RBM23: variants seen among roughly 807,000 people sequenced by gnomAD.
The protein encoded by RBM23 is RNA binding motif protein 23, also known as probable RNA-binding protein 23.
In RBM23, 53 loss-of-function variants were observed where a neutral mutation model predicts 56.2. The observed-to-expected ratio is 0.94, with a 90% confidence interval of 0.76 to 1.19. RBM23 has a LOEUF of 1.19. Among genes scored for constraint, RBM23 ranks in the 50% most tolerant of loss-of-function variants. The pLI, the probability that RBM23 is intolerant of heterozygous loss-of-function variation, is 0.00. For synonymous variants in RBM23, 197 were observed against 198.5 expected (o/e 0.99, Z 0.06); for missense variants, 642 against 590.3 (o/e 1.09, Z -0.91).
chr14:22,909,466 C>T lies in RBM23; in HGVS notation c.179+17G>A, dbSNP rs577923864. On this transcript the variant is annotated intron_variant, in intron 3 of 13. Coordinates refer to ENST00000359890, the MANE Select transcript of RBM23 (RefSeq NM_001077351.2). ...CCTTCCCCAAGTTGCCAACCCATTT[C>T]TTCCTCCCACACTCACTTGCTTGTC... The T allele has an allele frequency of 1.2e-6, 2 of 1,606,472 alleles. No individual in the cohort carries two copies. The highest frequency in any genetic ancestry group is 4.5e-5 in the East Asian group (2 of 44,848).
At position 22,911,381 on chromosome 14, in the gene RBM23, C is replaced by A; in HGVS notation, c.13G>T (p.Asp5Tyr). ...ATGGCCTCAATCACTATGTCAAAGT[C>A]ATCAGATGCCATCCTGTCAGATCTG... MASD[D>Y]FDIVIEAMLE... is the part of the protein sequence containing the mutation. The change falls in exon 2 of 14, where the codon GAC becomes TAC. Residue 5 changes from aspartate (D) to tyrosine (Y), a missense_variant. Transcript: ENST00000359890. 6.2e-7 allele frequency: 1 copy of A among 1,613,464 alleles called. No individual in the cohort carries two copies. The highest frequency in any genetic ancestry group is 1.1e-5 in the South Asian group (1 of 91,026).
rs1417369302 is a variant in RBM23, at chr14:22,899,714, T to C, written c.*2016A>G. The C allele has an allele frequency of 6.6e-6, 1 of 152,218 alleles. No homozygotes were observed. Among genetic ancestry groups the C allele is most frequent in the Non-Finnish European group, 1.5e-5 (1 of 68,046 alleles). The allele number at this position is 152,218 out of a possible 1,614,324, so 9.4% of individuals were successfully genotyped here. A position where few individuals can be genotyped will look rare whatever the true frequency, so the allele number is the denominator to read the frequency against. On this transcript the variant is annotated 3_prime_UTR_variant, in exon 14 of 14. Transcript: ENST00000359890. ...TTTACAAATTAGTCTGTGCTATTGT[T>C]ACAGAAGCAGCAAACAGACTTAGGA...
chr14:22,910,450 C>CAAAAAAAA (rs546748436), intron 2 of RBM23, among the ~76,000 whole-genome samples: 12 of 71,146 alleles, frequency 1.7e-4, no homozygotes, highest in Non-Finnish European at 2.4e-4. Flanking sequence ...AACTTCATCT[C>CAAAAAAAA]AAAAAAAAAA....
intron 5 of RBM23, 153 bp from the exon 6 acceptor site, chr14:22,905,812 C>T: frequency 1.5e-6 from 1 of 646,334 alleles, no homozygotes; most frequent in Non-Finnish European, 2.7e-6. Flanking sequence ...GCAGTGGCGC[C>T]ATCTCGGGTC....
intron 4 of RBM23, among the ~76,000 whole-genome samples, chr14:22,907,587 T>C: frequency 6.6e-6 from 1 of 152,342 alleles, no homozygotes; most frequent in East Asian, 1.9e-4. Context: ...CAATTAAAAA[T>C]TGTTTAAAAA....
At chr14:22,907,483 T>C (rs1399650605) in intron 4 of RBM23, among the ~76,000 whole-genome samples, 1 of 152,166 alleles carries the variant, frequency 6.6e-6, no homozygotes, top group Non-Finnish European at 1.5e-5. Context: ...AAGATAAACA[T>C]TTAGGTCAAG....
In RBM23 at chr14:22,901,036, C is replaced by CT. The variant is rs1162827298; in HGVS notation, c.*693dup. ...AAGATACTGGAAAGGCATACTCCAC[C>CT]TTTTACTAAATTCCTGAAAGCCCCT... On this transcript the variant is annotated 3_prime_UTR_variant, in exon 14 of 14. Transcript: ENST00000359890. The CT allele has an allele frequency of 1.3e-5, 2 of 152,208 alleles. No homozygotes were observed. The highest frequency in any genetic ancestry group is 4.8e-5 in the African/African-American group (2 of 41,412). The allele number at this position is 152,208 out of a possible 1,614,324, so 9.4% of individuals were successfully genotyped here.
In RBM23 at chr14:22,898,698, G is replaced by A. The variant is rs902941612; in HGVS notation, c.*3032C>T. The A allele has an allele frequency of 2.0e-5, 3 of 151,904 alleles. No individual in the cohort carries two copies. The highest frequency in any genetic ancestry group is 2.9e-5 in the Non-Finnish European group (2 of 68,038). 9.4% of individuals were successfully genotyped at this position (151,904 alleles called of 1,614,324 possible). On this transcript the variant is annotated 3_prime_UTR_variant, in exon 14 of 14. Coordinates refer to ENST00000359890, the MANE Select transcript of RBM23 (RefSeq NM_001077351.2). Reference sequence around the variant, plus strand: ...AGAACAAGAAAGAACTGAGGTGGAAGGATCCGAGTGTAGGAAGGCCAAGGT... The same window carrying A: ...AGAACAAGAAAGAACTGAGGTGGAAAGATCCGAGTGTAGGAAGGCCAAGGT...
chr14:22,902,980 C>T, intron 10 of RBM23: 1 of 735,822 alleles, frequency 1.4e-6, no homozygotes, highest in Non-Finnish European at 1.7e-6. Flanking sequence ...TGGGGTTTCA[C>T]CACGTTGGTC....
chr14:22,906,067 T>A (rs2041491546), intron 5 of RBM23, 128 bp downstream of exon 5: 1 of 1,166,898 alleles, frequency 8.6e-7, no homozygotes, highest in Non-Finnish European at 1.2e-6. Context: ...ATACCAACCC[T>A]TTCTGTGCCT....
At position 22,901,517 on chromosome 14, in the gene RBM23, A is replaced by G; in HGVS notation, c.*213T>C. ...TGCAGGTGTGGATTCTGTTCTCTTC[A>G]ACTGGTGGCTTTGCTCAGCAGAGTC... On this transcript the variant is annotated 3_prime_UTR_variant, in exon 14 of 14. Coordinates refer to ENST00000359890, the MANE Select transcript of RBM23 (RefSeq NM_001077351.2). The G allele has an allele frequency of 1.5e-6, 1 of 650,176 alleles. No individual in the cohort carries two copies. The highest frequency in any genetic ancestry group is 2.0e-5 in the South Asian group (1 of 50,562). The allele number at this position is 650,176 out of a possible 1,614,324, so 40.3% of individuals were successfully genotyped here. A position where few individuals can be genotyped will look rare whatever the true frequency, so the allele number is the denominator to read the frequency against.
At chr14:22,911,205 A>G in intron 2 of RBM23, 123 bp downstream of exon 2, 1 of 785,622 alleles carries the variant, frequency 1.3e-6, no homozygotes, top group Non-Finnish European at 2.1e-6. Context: ...TTTTATGATT[A>G]GTTATTCTAC....
chr14:22,900,043 C>G lies in RBM23; in HGVS notation c.*1687G>C, dbSNP rs2040323940. 6.6e-6 allele frequency: 1 copy of G among 152,092 alleles called. No homozygotes were observed. Among genetic ancestry groups the G allele is most frequent in the Non-Finnish European group, 1.5e-5 (1 of 68,040 alleles). 9.4% of individuals were successfully genotyped at this position (152,092 alleles called of 1,614,324 possible). On this transcript the variant is annotated 3_prime_UTR_variant, in exon 14 of 14. Coordinates refer to ENST00000359890, the MANE Select transcript of RBM23 (RefSeq NM_001077351.2). ...ATTATTAAGGCAGTGGTAGGTGCACCTTCCCTTTCACAGAGGTATTTCTGG... is the reference window on the plus strand; with the variant it reads ...ATTATTAAGGCAGTGGTAGGTGCACGTTCCCTTTCACAGAGGTATTTCTGG...
intron 1 of RBM23, among the ~76,000 whole-genome samples, chr14:22,912,511 T>C (rs2042702943): frequency 6.6e-6 from 1 of 152,018 alleles, no homozygotes; most frequent in Non-Finnish European, 1.5e-5. Flanking sequence ...CTACCACCAG[T>C]TTGTCAAATA....
chr14:22,910,090 T>C (rs1489819029), intron 2 of RBM23, among the ~76,000 whole-genome samples: 1 of 135,944 alleles, frequency 7.4e-6, no homozygotes, highest in Non-Finnish European at 1.5e-5. Context: ...GAGGCAAAGG[T>C]TGCAGTAACT....
chr14:22,902,482 T>C (rs2040730928), intron 10 of RBM23, 100 bp from the exon 11 acceptor site: 1 of 1,465,038 alleles, frequency 6.8e-7, no homozygotes, highest in Non-Finnish European at 9.1e-7. Flanking sequence ...GAAAATTGTA[T>C]GCTCACTGAG....
chr14:22,909,621 A>G, intron 2 of RBM23, 26 bp from the exon 3 acceptor site: 1 of 1,576,488 alleles, frequency 6.3e-7, no homozygotes, highest in Non-Finnish European at 8.7e-7. Context: ...GGAAAATGTC[A>G]CAAGGTATAA....
chr14:22,914,434 G>C (rs531489558), intron 1 of RBM23, among the ~76,000 whole-genome samples: 9 of 152,162 alleles, frequency 5.9e-5, no homozygotes, highest in African/African-American at 1.9e-4. Context: ...AGAGGTTGCA[G>C]TGAGCCAAGA....
intron 9 of RBM23, 56 bp downstream of exon 9, chr14:22,904,819 C>G (rs1434650997): frequency 6.2e-7 from 1 of 1,606,896 alleles, no homozygotes; most frequent in Non-Finnish European, 8.5e-7. Flanking sequence ...CACTCAAACA[C>G]TCACCCTCCC....
Sources: gnomAD v4.1 joint callset for allele counts (sites outside exome capture counted in the v4.1 genomes callset) on GRCh38, gnomAD v4.1.1 for gene constraint, MANE v1.5 for transcripts, NCBI Gene and HGNC (gene_info 2026-07-23, HGNC 2026-07-21) for gene names.